Variants in CACNA1B observed in about 807,000 individuals in gnomAD.
The protein encoded by CACNA1B is voltage-dependent N-type calcium channel subunit alpha-1B.
A neutral mutation model predicts 247.2 loss-of-function variants in CACNA1B; 70 were observed. The ratio of observed to expected loss-of-function variants is 0.28; its 90% confidence interval spans 0.23 to 0.35. CACNA1B has a LOEUF of 0.35. Ranked by LOEUF, CACNA1B falls within the 10% of genes least tolerant of loss-of-function variation. CACNA1B has a pLI of 1.00. For missense variants in CACNA1B, 2,367 were observed against 3,197.4 expected (o/e 0.74, Z 6.26); for synonymous variants, 1,231 against 1,294.4 (o/e 0.95, Z 1.05).
chr9:138,121,440 C>G lies in CACNA1B; in HGVS notation c.6490-29C>G. On this transcript the variant is annotated intron_variant, in intron 46 of 46. Coordinates refer to ENST00000371372, the MANE Select transcript of CACNA1B (RefSeq NM_000718.4). The surrounding 1 kb of genome is among the most constrained non-coding windows in gnomAD (Gnocchi z 6.8). ...GGCTTTTTTTTTTTTTTTTTTACCT[C>G]TGATTTGTTCTGGTCCATTTTCATG... 64 of 974,784 alleles carry G rather than the reference C, an allele frequency of 6.6e-5. No homozygotes were observed. The highest frequency in any genetic ancestry group is 8.5e-5 in the Non-Finnish European group (60 of 703,420). 60.4% of individuals were successfully genotyped at this position (974,784 alleles called of 1,614,324 possible).
At chr9:138,105,596 C>A in intron 38 of CACNA1B, 103 bp from the exon 39 acceptor site, 1 of 686,390 alleles carries the variant, frequency 1.5e-6, no homozygotes, top group Non-Finnish European at 2.6e-6. Context: ...GGCACCACCA[C>A]TGGGATGCCC....
chr9:138,045,885 C>T (rs987436945), intron 21 of CACNA1B, among the ~76,000 whole-genome samples: 3 of 152,140 alleles, frequency 2.0e-5, no homozygotes, highest in African/African-American at 7.2e-5. Context: ...AGATGAATGG[C>T]CCTTGGGGGT....
Position 138,121,925 on chromosome 9 carries a change from T to C in CACNA1B, c.6946T>C (p.Cys2316Arg). 6.2e-7 allele frequency: 1 copy of C among 1,610,206 alleles called. No individual in the cohort carries two copies. Among genetic ancestry groups the C allele is most frequent in the Non-Finnish European group, 8.5e-7 (1 of 1,179,846 alleles). ...PLRRVPNGYH[C>R]TLGLSSGGRA... Reference sequence around the variant, plus strand: ...CCGCCGCGTGCCCAACGGTTACCACTGCACCCTGGGACTCAGCTCGGGTGG... The same window carrying C: ...CCGCCGCGTGCCCAACGGTTACCACCGCACCCTGGGACTCAGCTCGGGTGG... The change falls in exon 47 of 47, where the codon TGC becomes CGC. Residue 2316 changes from cysteine (C) to arginine (R), a missense_variant. By Grantham distance (180) the Cys-to-Arg change is radical. Around this residue, in one of 12 missense-constraint regions of CACNA1B, gnomAD observed 773 missense variants for 779.4 expected, o/e 0.99. Transcript: ENST00000371372. The surrounding 1 kb of genome is among the most constrained non-coding windows in gnomAD (Gnocchi z 6.8).
chr9:137,943,372 G>C (rs1176609805), intron 6 of CACNA1B, among the ~76,000 whole-genome samples: 1 of 152,174 alleles, frequency 6.6e-6, no homozygotes, highest in African/African-American at 2.4e-5. Flanking sequence ...AATGTAAATA[G>C]TATTTGATTC....
At chr9:138,053,778 C>CGAAG in intron 25 of CACNA1B, 68 bp from the exon 26 acceptor site, 1 of 1,246,034 alleles carries the variant, frequency 8.0e-7, no homozygotes, top group Non-Finnish European at 1.2e-6. Flanking sequence ...CCTACCCTTC[C>CGAAG]CCCTCATGGC....
At chr9:137,927,839 T>C (rs989925291) in intron 6 of CACNA1B, among the ~76,000 whole-genome samples, 1 of 152,214 alleles carries the variant, frequency 6.6e-6, no homozygotes, top group Non-Finnish European at 1.5e-5. Context: ...TGAGAGTTTT[T>C]GTTTTGAATG....
Position 138,058,615 on chromosome 9 carries a change from A to T in CACNA1B, c.4355A>T (p.Tyr1452Phe). The T allele has an allele frequency of 6.2e-7, 1 of 1,613,968 alleles. No individual in the cohort carries two copies. Among genetic ancestry groups the T allele is most frequent in the African/African-American group, 1.3e-5 (1 of 75,048 alleles). The change falls in exon 29 of 47, where the codon TAC becomes TTC. Residue 1452 changes from tyrosine (Y) to phenylalanine (F), a missense_variant. By Grantham distance (22) the Tyr-to-Phe change is conservative (BLOSUM62 3). Coordinates refer to ENST00000371372, the MANE Select transcript of CACNA1B (RefSeq NM_000718.4). This position sits in a 1 kb window ranked among gnomAD's most constrained non-coding sequence, Gnocchi z 4.7. ...FAISAKPLTR[Y>F]MPQNRQSFQY... ...ATCAGCGCCAAACCCCTGACACGGT[A>T]CATGCCCCAAAACCGGCAGTCGTTC...
chr9:138,121,885 C>A lies in CACNA1B; in HGVS notation c.6906C>A (p.Ser2302=), dbSNP rs775750742. The A allele has an allele frequency of 6.2e-7, 1 of 1,613,082 alleles. No homozygotes were observed. The highest frequency in any genetic ancestry group is 1.7e-5 in the Admixed American group (1 of 60,036). Residue 2302 remains serine, a synonymous_variant, in exon 47 of 47, where the codon TCC becomes TCA. Transcript: ENST00000371372. This position sits in a 1 kb window ranked among gnomAD's most constrained non-coding sequence, Gnocchi z 6.8. ...CTTCCTACGTGTCCTCCCTGACCTCCCAGTCTCACCCTCTCCGCCGCGTGC... is the reference window on the plus strand; with the variant it reads ...CTTCCTACGTGTCCTCCCTGACCTCACAGTCTCACCCTCTCCGCCGCGTGC... ...SRTSYVSSLT[S]QSHPLRRVPN...
At chr9:138,055,551 A>C (rs1959464671) in intron 26 of CACNA1B, among the ~76,000 whole-genome samples, 1 of 152,102 alleles carries the variant, frequency 6.6e-6, no homozygotes, top group Non-Finnish European at 1.5e-5. Flanking sequence ...TTTTCTTCTG[A>C]AAAGTGTTAT....
Position 138,111,299 on chromosome 9 carries a change from T to G in CACNA1B, c.5429-1099T>G, listed in dbSNP as rs564131551. Among the ~76,000 whole-genome samples, 5 of 152,348 alleles carry G rather than the reference T, an allele frequency of 3.3e-5. No homozygotes were observed. The South Asian group carries it at 8.3e-4, about 25-fold the overall frequency. ...TAAACAAATGGTGCATTCATACAAT[T>G]AAAGAATACTCAGGAGTAAAAGGAA... is the stretch of plus-strand genomic sequence containing the variant. On this transcript the variant is annotated intron_variant, in intron 39 of 46. Transcript: ENST00000371372.
intron 18 of CACNA1B, among the ~76,000 whole-genome samples, chr9:138,019,786 G>A (rs114561035): frequency 0.011 from 1,645 of 152,186 alleles, 27 homozygotes; most frequent in African/African-American, 0.037. Context: ...ATCCATCCGC[G>A]GGGTGGAATA....
At chr9:138,025,856 C>T (rs1247626103) in intron 20 of CACNA1B, among the ~76,000 whole-genome samples, 6 of 152,080 alleles carry the variant, frequency 3.9e-5, no homozygotes, top group African/African-American at 1.2e-4. Flanking sequence ...GGTGCATGGG[C>T]GTTTCATGGG....
chr9:138,074,473 T>G (rs935914330), intron 34 of CACNA1B, among the ~76,000 whole-genome samples: 12 of 152,204 alleles, frequency 7.9e-5, no homozygotes, highest in Non-Finnish European at 1.6e-4. Flanking sequence ...ACTCCTGACC[T>G]CAAGTGATCC....
At chr9:138,049,108 G>C (rs1364239658) in intron 23 of CACNA1B, 101 bp from the exon 24 acceptor site, 1 of 803,864 alleles carries the variant, frequency 1.2e-6, no homozygotes, top group Non-Finnish European at 2.2e-6. Context: ...GCCTGCCTCA[G>C]CCTCCCCAAG....
At chr9:137,949,061 A>G (rs1489328359) in intron 6 of CACNA1B, among the ~76,000 whole-genome samples, 5 of 51,178 alleles carry the variant, frequency 9.8e-5, no homozygotes, top group East Asian at 6.9e-4. Context: ...GGTGTGAAGT[A>G]TGTGTGTAGT....
chr9:138,107,255 T>TTTAC, intron 39 of CACNA1B, among the ~76,000 whole-genome samples: 1 of 106,066 alleles, frequency 9.4e-6, no homozygotes, highest in East Asian at 3.0e-4. Flanking sequence ...TATTTATTTA[T>TTTAC]TTATTTATTT....
At chr9:138,005,109 C>T (rs951428047) in intron 15 of CACNA1B, among the ~76,000 whole-genome samples, 6 of 152,216 alleles carry the variant, frequency 3.9e-5, no homozygotes, top group Admixed American at 6.5e-5. Flanking sequence ...AAAAATCCCA[C>T]TGCTGGGTGT....
At chr9:138,078,728 T>C (rs1960413357) in intron 36 of CACNA1B, among the ~76,000 whole-genome samples, 1 of 152,054 alleles carries the variant, frequency 6.6e-6, no homozygotes, top group Non-Finnish European at 1.5e-5. Context: ...GTGTGAGTAG[T>C]GAGGACGTGG....
At position 138,046,904 on chromosome 9, in the gene CACNA1B, G is replaced by T; in HGVS notation, c.3414G>T (p.Leu1138=). 2 of 1,613,218 alleles carry T rather than the reference G, an allele frequency of 1.2e-6. No homozygotes were observed. Among genetic ancestry groups the T allele is most frequent in the Non-Finnish European group, 8.5e-7 (1 of 1,179,392 alleles). Residue 1138 remains leucine (L), a splice_region_variant and synonymous_variant, in exon 22 of 47, where the codon CTG becomes CTT. Coordinates refer to ENST00000371372, the MANE Select transcript of CACNA1B (RefSeq NM_000718.4). The stretch of plus-strand genomic sequence containing the variant: ...TGGTGATCCGTGCCTTCCCTCACAG[G>T]CTCCGCCGCTTCTGCCACTACATCG... ...SSMFCLSPTN[L]LRRFCHYIVT...
Sources: allele counts gnomAD v4.1 joint callset (sites outside exome capture counted in the v4.1 genomes callset), GRCh38; gene constraint gnomAD v4.1.1; regional missense constraint gnomAD v4.1.1; non-coding constraint Gnocchi (gnomAD v3.1); transcripts MANE v1.5; gene names NCBI Gene and HGNC (gene_info 2026-07-23, HGNC 2026-07-21).